Variants in EPC2 observed in about 807,000 individuals in gnomAD.
EPC2 encodes the protein enhancer of polycomb 2, also known as enhancer of polycomb homolog 2.
EPC2 carries 14 observed loss-of-function variants against 92.1 expected under a neutral mutation model. The observed-to-expected ratio is 0.15, with a 90% CI of 0.10 to 0.24. The LOEUF (loss-of-function observed/expected upper bound fraction) is 0.24. EPC2 is among the 10% of genes least tolerant of loss of function. The probability of loss-of-function intolerance (pLI) is 1.00; values close to 1 mark genes in which losing one functional copy is unlikely to be tolerated. For synonymous variants in EPC2, 340 were observed against 334.7 expected (o/e 1.02, Z -0.17); for missense variants, 755 against 971.5 (o/e 0.78, Z 2.96).
At chr2:148,777,479 C>A in intron 10 of EPC2, among the ~76,000 whole-genome samples, 1 of 152,054 alleles carries the variant, frequency 6.6e-6, no homozygotes, top group South Asian at 2.1e-4. Flanking sequence ...TCCAGAAGAT[C>A]CAGAGTGTAT....
chr2:148,699,387 A>G (rs1407305571), intron 2 of EPC2, among the ~76,000 whole-genome samples: 3 of 152,226 alleles, frequency 2.0e-5, no homozygotes, highest in Non-Finnish European at 2.9e-5. Flanking sequence ...CCATGATTAC[A>G]GTATCCTACA....
At position 148,723,629 on chromosome 2, in the gene EPC2, G is replaced by A. The variant is rs1034352615; in HGVS notation, c.314-19993G>A. ...TGTTCAGCCTTTTATATGTTGTTAA[G>A]ATGGGGTGGCAACTTCTAAGTTTCT... On this transcript the variant is annotated intron_variant, in intron 2 of 13. Coordinates refer to ENST00000258484, the MANE Select transcript of EPC2 (RefSeq NM_015630.4). Among the ~76,000 whole-genome samples the A allele has an allele frequency of 2.6e-5, 4 of 152,286 alleles. No homozygotes were observed. The South Asian group carries it at 6.2e-4, about 24-fold the overall frequency.
chr2:148,775,972 A>C (rs375252983), intron 10 of EPC2, among the ~76,000 whole-genome samples: 1 of 151,644 alleles, frequency 6.6e-6, no homozygotes. Context: ...TAGTAGAGAC[A>C]GGGTTTCACT....
chr2:148,649,590 C>G (rs555602502), intron 1 of EPC2, among the ~76,000 whole-genome samples: 4 of 152,178 alleles, frequency 2.6e-5, no homozygotes, highest in African/African-American at 9.6e-5. Flanking sequence ...TTAGTTGTTT[C>G]CAGTTTTTGA....
At chr2:148,691,648 C>G in intron 2 of EPC2, 1 of 1,542,156 alleles carries the variant, frequency 6.5e-7, no homozygotes, top group Non-Finnish European at 8.8e-7. Context: ...CAACCGGAGA[C>G]CACGTTAAAG....
At chr2:148,766,187 A>G (rs1683405015) in intron 7 of EPC2, among the ~76,000 whole-genome samples, 1 of 152,194 alleles carries the variant, frequency 6.6e-6, no homozygotes, top group Non-Finnish European at 1.5e-5. Context: ...GCTTTATCAT[A>G]TTTTAACTTT....
At chr2:148,776,243 G>A (rs1190114558) in intron 10 of EPC2, among the ~76,000 whole-genome samples, 1 of 152,106 alleles carries the variant, frequency 6.6e-6, no homozygotes, top group Non-Finnish European at 1.5e-5. Context: ...ATCTAGCTAA[G>A]GGTTAGGGTT....
At chr2:148,736,692 CACTT>C (rs1415984660) in intron 2 of EPC2, among the ~76,000 whole-genome samples, 2 of 152,188 alleles carry the variant, frequency 1.3e-5, no homozygotes, top group East Asian at 1.9e-4. Flanking sequence ...TTTTTTTCCA[CACTT>C]ACTTTTTTTT....
At chr2:148,748,109 T>C (rs1269783748) in intron 3 of EPC2, among the ~76,000 whole-genome samples, 1 of 152,102 alleles carries the variant, frequency 6.6e-6, no homozygotes, top group African/African-American at 2.4e-5. Flanking sequence ...AACATTGTTT[T>C]ACAAGATCGA....
At chr2:148,704,889 C>CT (rs1681961279) in intron 2 of EPC2, among the ~76,000 whole-genome samples, 1 of 150,890 alleles carries the variant, frequency 6.6e-6, no homozygotes, top group Admixed American at 6.6e-5. Flanking sequence ...TAATGTGTAT[C>CT]TTTTTTCTTT....
intron 1 of EPC2, among the ~76,000 whole-genome samples, chr2:148,656,171 G>A (rs1574563493): frequency 6.6e-6 from 1 of 152,160 alleles, no homozygotes; most frequent in East Asian, 1.9e-4. Flanking sequence ...ACAAGGTCAG[G>A]CAATTTTGAT....
At chr2:148,668,048 G>A (rs1050492254) in intron 1 of EPC2, among the ~76,000 whole-genome samples, 4 of 151,944 alleles carry the variant, frequency 2.6e-5, no homozygotes, top group African/African-American at 7.3e-5. Context: ...ACAGGCACAC[G>A]CCACCATGCC....
chr2:148,645,115 C>T lies in EPC2; in HGVS notation c.98C>T (p.Ser33Phe). The T allele has an allele frequency of 6.2e-7, 1 of 1,607,856 alleles. No homozygotes were observed. Among genetic ancestry groups the T allele is most frequent in the Non-Finnish European group, 8.5e-7 (1 of 1,177,132 alleles). Residue 33 changes from serine to phenylalanine, a missense_variant, in exon 1 of 14, where the codon TCC (serine) becomes TTC (phenylalanine). Physicochemically the swap from Ser to Phe is radical, Grantham distance 155. Around this residue, in one of 4 missense-constraint regions of EPC2, gnomAD observed 36 missense variants for 84.0 expected, o/e 0.43. Transcript: ENST00000258484. ...ATGCCTGATCTCAACGACTGCGTCT[C>T]CATCAACCGGGCCGTGCCCCAGATG... is the stretch of plus-strand genomic sequence containing the variant. ...KDMPDLNDCV[S>F]INRAVPQMPT...
chr2:148,658,951 G>C (rs1379036209), intron 1 of EPC2, among the ~76,000 whole-genome samples: 1 of 151,870 alleles, frequency 6.6e-6, no homozygotes, highest in African/African-American at 2.4e-5. Context: ...GTTTTGCAGG[G>C]TATATCCTCA....
chr2:148,710,958 A>G (rs1310325891), intron 2 of EPC2, among the ~76,000 whole-genome samples: 2 of 152,116 alleles, frequency 1.3e-5, no homozygotes, highest in East Asian at 3.9e-4. Flanking sequence ...CCCCACGGAT[A>G]TCCTCCACTA....
At chr2:148,682,197 T>C (rs1401765664) in intron 1 of EPC2, among the ~76,000 whole-genome samples, 1 of 152,244 alleles carries the variant, frequency 6.6e-6, no homozygotes, top group African/African-American at 2.4e-5. Context: ...TGCATGTGTC[T>C]TTATAGTAGC....
chr2:148,783,568 T>TA (rs1683799656), intron 11 of EPC2, 29 bp from the exon 12 acceptor site: 2 of 1,574,400 alleles, frequency 1.3e-6, no homozygotes, highest in Non-Finnish European at 8.6e-7. Context: ...ATCTAAAAAT[T>TA]AGAGTGTTTA....
Position 148,645,140 on chromosome 2 carries a change from G to A in EPC2, c.123G>A (p.Met41Ile). ...CCATCAACCGGGCCGTGCCCCAGAT[G>A]CCCACCGGGATGGAGAAGGAGGAGG... is the stretch of plus-strand genomic sequence containing the variant. Reference protein sequence around the residue: ...CVSINRAVPQMPTGMEKEEES... With the variant: ...CVSINRAVPQIPTGMEKEEES... The change falls in exon 1 of 14, where the codon ATG (methionine) becomes ATA (isoleucine). Residue 41 changes from methionine (M) to isoleucine (I), a missense_variant. Coordinates refer to ENST00000258484, the MANE Select transcript of EPC2 (RefSeq NM_015630.4). 3.7e-6 allele frequency: 6 copies of A among 1,610,212 alleles called. No homozygotes were observed. The highest frequency in any genetic ancestry group is 5.1e-6 in the Non-Finnish European group (6 of 1,178,362).
chr2:148,670,339 C>G (rs76805780), intron 1 of EPC2, among the ~76,000 whole-genome samples: 10 of 143,022 alleles, frequency 7.0e-5, no homozygotes, highest in Non-Finnish European at 1.5e-4. Flanking sequence ...CATGTTAACT[C>G]TTTTTTTTTT....
Sources: gnomAD v4.1 joint callset for allele counts (sites outside exome capture counted in the v4.1 genomes callset) on GRCh38, gnomAD v4.1.1 for gene constraint, gnomAD v4.1.1 regional missense constraint, MANE v1.5 for transcripts, NCBI Gene and HGNC (gene_info 2026-07-23, HGNC 2026-07-21) for gene names.